The following SCN4A variants were observed in gnomAD, a reference collection of about 807,000 sequenced individuals.
SCN4A encodes the protein sodium channel protein type 4 subunit alpha.
SCN4A carries 83 observed loss-of-function variants against 162.0 expected under a neutral mutation model. The ratio of observed to expected loss-of-function variants is 0.51; its 90% CI spans 0.43 to 0.61. SCN4A has a LOEUF of 0.61. Ranked by LOEUF, SCN4A falls within the 20% of genes least tolerant of loss-of-function variation. The probability of loss-of-function intolerance (pLI) is 0.00; values close to 1 mark genes in which losing one functional copy is unlikely to be tolerated. For synonymous variants in SCN4A, 944 were observed against 985.1 expected (o/e 0.96, Z 0.78); for missense variants, 2,196 against 2,462.5 (o/e 0.89, Z 2.29).
rs554349260 is a variant in SCN4A, at chr17:63,972,437, A to C, written c.307T>G (p.Phe103Val). 27 of 1,613,958 alleles carry C rather than the reference A, an allele frequency of 1.7e-5. No homozygotes were observed. Among genetic ancestry groups the C allele is most frequent in the East Asian group, 1.6e-4 (7 of 44,880 alleles). The change falls in exon 2 of 24, where the codon TTC becomes GTC. Residue 103 changes from phenylalanine (F) to valine (V), a missense_variant. Coordinates refer to ENST00000435607, the MANE Select transcript of SCN4A (RefSeq NM_000334.4). The surrounding 1 kb of genome is among the most constrained non-coding windows in gnomAD (Gnocchi z 4.3). ...AGAGCAGGTGTGGCGGAGAAGCGGA[A>C]GATGGCCTTGCCCTTGTTGAGTACG... ...FIVLNKGKAIFRFSATPALYL... is the reference protein window; with the variant it reads ...FIVLNKGKAIVRFSATPALYL...
At position 63,958,913 on chromosome 17, in the gene SCN4A, G is replaced by C. The variant is rs181264595; in HGVS notation, c.2019+352C>G. Reference sequence around the variant, plus strand: ...GGGGTGGTGAAAAGACAGAAATTCAGAGGTCCCAATCCTACTCCTAATGAA... The same window carrying C: ...GGGGTGGTGAAAAGACAGAAATTCACAGGTCCCAATCCTACTCCTAATGAA... On this transcript the variant is annotated intron_variant, in intron 12 of 23. Transcript: ENST00000435607. Among the ~76,000 whole-genome samples the C allele has an allele frequency of 3.0e-4, 45 of 152,308 alleles. No individual in the cohort carries two copies. The East Asian group carries it at 8.1e-3, about 27-fold the overall frequency.
At position 63,941,498 on chromosome 17, in the gene SCN4A, G is replaced by A. The variant is rs1567816203; in HGVS notation, c.4784C>T (p.Ala1595Val). Residue 1595 changes from alanine to valine, a missense_variant, in exon 24 of 24, where the codon GCC becomes GTC. Physicochemically the swap from Ala to Val is moderately conservative, Grantham distance 64. Coordinates refer to ENST00000435607, the MANE Select transcript of SCN4A (RefSeq NM_000334.4). The surrounding 1 kb of genome is among the most constrained non-coding windows in gnomAD (Gnocchi z 6.2). The part of the protein sequence containing the change: ...SFLIVVNMYI[A>V]IILENFNVAT... ...CACATTGAAGTTCTCCAGGATGATG[G>A]CGATGTACATGTTGACCACGATGAG... is the stretch of plus-strand genomic sequence containing the variant. The A allele has an allele frequency of 1.2e-6, 2 of 1,614,140 alleles. No homozygotes were observed. The highest frequency in any genetic ancestry group is 8.5e-7 in the Non-Finnish European group (1 of 1,180,046).
At chr17:63,942,095 C>A (rs1908559141) in intron 23 of SCN4A, 102 bp from the exon 24 acceptor site, 1 of 1,167,528 alleles carries the variant, frequency 8.6e-7, no homozygotes, top group Non-Finnish European at 1.2e-6. Context: ...GTGTGCTCTG[C>A]TCAAGTCTCA....
At chr17:63,946,462 G>GCCCCCCCCCCCCCCC (rs374261223) in intron 18 of SCN4A, among the ~76,000 whole-genome samples, 5 of 106,658 alleles carry the variant, frequency 4.7e-5, no homozygotes, top group African/African-American at 8.8e-5. Context: ...CATTTTTCTT[G>GCCCCCCCCCCCCCCC]CCCCCCCCCC....
chr17:63,955,434 C>T lies in SCN4A; in HGVS notation c.2376+1728G>A, dbSNP rs1005361909. On this transcript the variant is annotated intron_variant, in intron 13 of 23. Coordinates refer to ENST00000435607, the MANE Select transcript of SCN4A (RefSeq NM_000334.4). ...AGGCACTTTGGTAAGCACTTGTAAG[C>T]GCATGCGTAACATAATCCTTGCAAC... Among the ~76,000 whole-genome samples, 10 of 152,322 alleles carry T rather than the reference C, an allele frequency of 6.6e-5. No homozygotes were observed. The East Asian group carries it at 7.7e-4, about 12-fold the overall frequency.
In SCN4A at chr17:63,948,593, C is replaced by G; in HGVS notation, c.3144+18G>C. On this transcript the variant is annotated intron_variant, in intron 16 of 23. Coordinates refer to ENST00000435607, the MANE Select transcript of SCN4A (RefSeq NM_000334.4). The stretch of plus-strand genomic sequence containing the variant: ...GCCTGGCCCCTGCCCCTGACCCGTG[C>G]TCCCAGGCAGTGCCTACCAGAGCCC... 6.2e-7 allele frequency: 1 copy of G among 1,609,374 alleles called. No homozygotes were observed. The highest frequency in any genetic ancestry group is 8.5e-7 in the Non-Finnish European group (1 of 1,177,124).
Position 63,972,733 on chromosome 17 carries a change from C to T in SCN4A, c.109G>A (p.Ala37Thr), listed in dbSNP as rs761255954. 13 of 1,613,670 alleles carry T rather than the reference C, an allele frequency of 8.1e-6. No homozygotes were observed. In the East Asian group the frequency reaches 2.9e-4, roughly 36 times the overall value. ...AIEQRAVEEE[A>T]RLQRNKQMEI... is the part of the protein sequence containing the mutation. ...ATCTGCTTATTCCGCTGCAGCCGGGCCTCCTCCTCCACCGCCCGCTGTTCT... is the reference window on the plus strand; with the variant it reads ...ATCTGCTTATTCCGCTGCAGCCGGGTCTCCTCCTCCACCGCCCGCTGTTCT... The change falls in exon 1 of 24, where the codon GCC becomes ACC. Residue 37 changes from alanine (A) to threonine (T), a missense_variant. Transcript: ENST00000435607. The surrounding 1 kb of genome is among the most constrained non-coding windows in gnomAD (Gnocchi z 4.3).
At position 63,945,656 on chromosome 17, in the gene SCN4A, C is replaced by A. The variant is rs377676692; in HGVS notation, c.3442-18G>T. 154 of 1,613,102 alleles carry A rather than the reference C, an allele frequency of 9.5e-5. No individual in the cohort carries two copies. The highest frequency in any genetic ancestry group is 1.3e-4 in the Non-Finnish European group (148 of 1,179,520). On this transcript the variant is annotated intron_variant, in intron 18 of 23. Transcript: ENST00000435607. This position sits in a 1 kb window ranked among gnomAD's most constrained non-coding sequence, Gnocchi z 4.4. ...ACCACCACCTGGGGGCCAGGGGGTCCATTGCCAGTGCCTCTCCCAGCCTCT... is the reference window on the plus strand; with the variant it reads ...ACCACCACCTGGGGGCCAGGGGGTCAATTGCCAGTGCCTCTCCCAGCCTCT...
chr17:63,961,010 A>G (rs1597979839), intron 11 of SCN4A, among the ~76,000 whole-genome samples, 183 bp downstream of exon 11: 1 of 122,908 alleles, frequency 8.1e-6, no homozygotes, highest in Admixed American at 9.3e-5. Context: ...TCTGTGTGCC[A>G]CAGATCACCC....
In SCN4A at chr17:63,941,437, A is replaced by G. The variant is rs1434371930; in HGVS notation, c.4845T>C (p.Asp1615=). Residue 1615 remains aspartate, a synonymous_variant, in exon 24 of 24, where the codon GAT becomes GAC. Transcript: ENST00000435607. The surrounding 1 kb of genome is among the most constrained non-coding windows in gnomAD (Gnocchi z 6.2). ...TEESSEPLGE[D]DFEMFYETWE... is the part of the protein sequence containing the mutation. ...ATGTCTCGTAGAACATCTCAAAGTC[A>G]TCTTCACCAAGGGGCTCGCTGCTCT... The G allele has an allele frequency of 1.2e-6, 2 of 1,614,006 alleles. No individual in the cohort carries two copies. The highest frequency in any genetic ancestry group is 1.7e-6 in the Non-Finnish European group (2 of 1,180,040).
chr17:63,968,526 A>G (rs1254777711), intron 5 of SCN4A, among the ~76,000 whole-genome samples, 171 bp from the exon 6 acceptor site: 1 of 152,180 alleles, frequency 6.6e-6, no homozygotes, highest in Non-Finnish European at 1.5e-5. Flanking sequence ...CTCTGTTCAC[A>G]TCCTCAATCT....
At chr17:63,954,338 C>A (rs556669664) in intron 13 of SCN4A, among the ~76,000 whole-genome samples, 13 of 152,280 alleles carry the variant, frequency 8.5e-5, no homozygotes, top group African/African-American at 2.9e-4. Flanking sequence ...TCTGCCTTTG[C>A]CCCCCACCAA....
Position 63,972,732 on chromosome 17 carries a change from GCCT to G in SCN4A, c.107_109del (p.Glu36del), listed in dbSNP as rs865837934. ...CATCTGCTTATTCCGCTGCAGCCGG[GCCT>G]CCTCCTCCACCGCCCGCTGTTCTAT... is the stretch of plus-strand genomic sequence containing the variant. On this transcript the variant is annotated inframe_deletion, in exon 1 of 24. Transcript: ENST00000435607. This position sits in a 1 kb window ranked among gnomAD's most constrained non-coding sequence, Gnocchi z 4.3. The G allele has an allele frequency of 1.2e-5, 20 of 1,613,658 alleles. No homozygotes were observed. Among genetic ancestry groups the G allele is most frequent in the Admixed American group, 5.0e-5 (3 of 59,972 alleles).
At position 63,961,178 on chromosome 17, in the gene SCN4A, C is replaced by T; in HGVS notation, c.1845+15G>A. Reference sequence around the variant, plus strand: ...ATCCTGCCCATGAATGATCCCCTCCCCCGCCCCTCCCTACCAGGTTGCCCA... The same window carrying T: ...ATCCTGCCCATGAATGATCCCCTCCTCCGCCCCTCCCTACCAGGTTGCCCA... On this transcript the variant is annotated intron_variant, in intron 11 of 23. Coordinates refer to ENST00000435607, the MANE Select transcript of SCN4A (RefSeq NM_000334.4). The T allele has an allele frequency of 8.4e-7, 1 of 1,184,338 alleles. No individual in the cohort carries two copies. The highest frequency in any genetic ancestry group is 1.2e-6 in the Non-Finnish European group (1 of 805,616). 73.4% of individuals were successfully genotyped at this position (1,184,338 alleles called of 1,614,324 possible). A position where few individuals can be genotyped will look rare whatever the true frequency, so the allele number is the denominator to read the frequency against.
At chr17:63,966,595 T>C (rs1909454868) in intron 6 of SCN4A, 51 bp from the exon 7 acceptor site, 1 of 1,377,940 alleles carries the variant, frequency 7.3e-7, no homozygotes. Context: ...ATGGACACAG[T>C]GTGAGCACCT....
rs1908860450 is a variant in SCN4A, at chr17:63,950,132, G to A, written c.2854-604C>T. On this transcript the variant is annotated intron_variant, in intron 14 of 23. Coordinates refer to ENST00000435607, the MANE Select transcript of SCN4A (RefSeq NM_000334.4). The surrounding 1 kb of genome is among the most constrained non-coding windows in gnomAD (Gnocchi z 4.6). ...AGGCTTCCTCCCACCTCCTCCTGCT[G>A]GGCCAGGCCAGCTTCCCGGCCCCAG... Among the ~76,000 whole-genome samples the A allele has an allele frequency of 6.6e-6, 1 of 152,152 alleles. No individual in the cohort carries two copies. The highest frequency in any genetic ancestry group is 2.4e-5 in the African/African-American group (1 of 41,438).
At chr17:63,964,704 G>C (rs1194350053) in intron 8 of SCN4A, 27 bp from the exon 9 acceptor site, 2 of 1,574,884 alleles carry the variant, frequency 1.3e-6, no homozygotes, top group Non-Finnish European at 1.7e-6. Flanking sequence ...AGGGAGTGGA[G>C]GGGTCCCATG....
chr17:63,947,522 G>T (rs1178698381), intron 17 of SCN4A, among the ~76,000 whole-genome samples: 2 of 152,208 alleles, frequency 1.3e-5, no homozygotes, highest in Non-Finnish European at 2.9e-5. Flanking sequence ...GGGAGGCCAA[G>T]GTAGGAGGAT....
At chr17:63,967,434 T>A (rs932585953) in intron 6 of SCN4A, among the ~76,000 whole-genome samples, 1 of 150,898 alleles carries the variant, frequency 6.6e-6, no homozygotes, top group Non-Finnish European at 1.5e-5. Flanking sequence ...ATTACAGGCG[T>A]GAGCCACCGT....
Sources: gnomAD v4.1 joint callset for allele counts (sites outside exome capture counted in the v4.1 genomes callset) on GRCh38, gnomAD v4.1.1 for gene constraint, Gnocchi (gnomAD v3.1) non-coding constraint, MANE v1.5 for transcripts, NCBI Gene and HGNC (gene_info 2026-07-23, HGNC 2026-07-21) for gene names.